KCNIP4: variants seen among roughly 807,000 people sequenced by gnomAD.
The protein encoded by KCNIP4 is Kv channel-interacting protein 4.
A neutral mutation model predicts 34.0 loss-of-function variants in KCNIP4; 12 were observed. That is an observed-to-expected ratio of 0.35 (90% CI 0.23 to 0.57). KCNIP4 has a LOEUF of 0.57. Among genes scored for constraint, KCNIP4 ranks in the 20% least tolerant of loss-of-function variants. The probability of loss-of-function intolerance (pLI) is 0.83; values close to 1 mark genes in which losing one functional copy is unlikely to be tolerated. For synonymous variants in KCNIP4, 124 were observed against 102.2 expected (o/e 1.21, Z -1.29); for missense variants, 238 against 311.7 (o/e 0.76, Z 1.78).
intron 2 of KCNIP4, among the ~76,000 whole-genome samples, chr4:20,864,265 T>C (rs1056331742): frequency 1.3e-5 from 2 of 151,580 alleles, no homozygotes; most frequent in African/African-American, 2.4e-5. Flanking sequence ...CACACATATG[T>C]ATGTACACAT....
At chr4:21,459,136 G>C (rs558966677) in intron 1 of KCNIP4, among the ~76,000 whole-genome samples, 3 of 152,016 alleles carry the variant, frequency 2.0e-5, no homozygotes, top group Admixed American at 2.0e-4. Context: ...TCTCAAAAGA[G>C]TTTCTATGGC....
intron 1 of KCNIP4, among the ~76,000 whole-genome samples, chr4:21,044,995 C>A (rs1394329596): frequency 6.6e-6 from 1 of 152,146 alleles, no homozygotes; most frequent in Non-Finnish European, 1.5e-5. Flanking sequence ...ATGGAAGAGA[C>A]AAGTGAAGGG....
At chr4:21,089,525 T>C (rs1484402240) in intron 1 of KCNIP4, among the ~76,000 whole-genome samples, 1 of 152,172 alleles carries the variant, frequency 6.6e-6, no homozygotes, top group Non-Finnish European at 1.5e-5. Flanking sequence ...AATGGTAACG[T>C]GTCATTATTT....
intron 1 of KCNIP4, among the ~76,000 whole-genome samples, chr4:21,055,126 C>T (rs1743289736): frequency 6.6e-6 from 1 of 152,012 alleles, no homozygotes; most frequent in African/African-American, 2.4e-5. Context: ...GAAGCACCTC[C>T]CAAAAGAAGA....
chr4:21,231,961 C>A (rs1280711712), intron 1 of KCNIP4, among the ~76,000 whole-genome samples: 2 of 152,086 alleles, frequency 1.3e-5, no homozygotes, highest in South Asian at 4.1e-4. Context: ...AGGAAGCTGG[C>A]CGATAGACAA....
At position 21,500,852 on chromosome 4, in the gene KCNIP4, G is replaced by A. The variant is rs1333720188; in HGVS notation, c.61+447719C>T. On this transcript the variant is annotated intron_variant, in intron 1 of 8. Transcript: ENST00000382152. Reference sequence around the variant, plus strand: ...TGGGAAGTTAAAAATTATACTGTGAGTTGAAGAGGAGGATGACATCAATCA... The same window carrying A: ...TGGGAAGTTAAAAATTATACTGTGAATTGAAGAGGAGGATGACATCAATCA... 3.3e-5 allele frequency among the ~76,000 whole-genome samples: 5 copies of A among 152,122 alleles called. 1 individual carries two copies. The highest frequency in any genetic ancestry group is 3.3e-4 in the Admixed American group (5 of 15,264).
At chr4:20,932,772 T>G (rs1730616608) in intron 1 of KCNIP4, among the ~76,000 whole-genome samples, 1 of 152,164 alleles carries the variant, frequency 6.6e-6, no homozygotes, top group South Asian at 2.1e-4. Flanking sequence ...AAATAATTTT[T>G]AACTATTTTG....
intron 1 of KCNIP4, among the ~76,000 whole-genome samples, chr4:21,136,467 A>C (rs1560753942): frequency 6.6e-6 from 1 of 152,210 alleles, no homozygotes; most frequent in Non-Finnish European, 1.5e-5. Flanking sequence ...GCAAATAGGC[A>C]TTGGGTTTTC....
intron 1 of KCNIP4, among the ~76,000 whole-genome samples, chr4:21,026,718 T>G (rs1268197535): frequency 2.0e-5 from 3 of 152,160 alleles, no homozygotes; most frequent in Non-Finnish European, 2.9e-5. Context: ...CATTAATTTC[T>G]TTTTAGAATC....
intron 1 of KCNIP4, among the ~76,000 whole-genome samples, chr4:21,786,300 T>C (rs1719909122): frequency 6.6e-6 from 1 of 152,156 alleles, no homozygotes; most frequent in Non-Finnish European, 1.5e-5. Flanking sequence ...ATATGGTAAC[T>C]ACATGTTTAA....
At chr4:21,246,367 C>A (rs902029404) in intron 1 of KCNIP4, among the ~76,000 whole-genome samples, 1 of 152,266 alleles carries the variant, frequency 6.6e-6, no homozygotes, top group Non-Finnish European at 1.5e-5. Context: ...GGGAAGAGAC[C>A]CACAAAACCT....
At chr4:21,903,616 A>G (rs1727826707) in intron 1 of KCNIP4, among the ~76,000 whole-genome samples, 1 of 152,084 alleles carries the variant, frequency 6.6e-6, no homozygotes, top group Non-Finnish European at 1.5e-5. Context: ...ACATTATTAA[A>G]CTCATTTATT....
chr4:20,850,435 A>G lies in KCNIP4; in HGVS notation c.288+108T>C, dbSNP rs922754742. On this transcript the variant is annotated intron_variant, in intron 3 of 8. Coordinates refer to ENST00000382152, the MANE Select transcript of KCNIP4 (RefSeq NM_025221.6). ...TCTGGGAAGGATCAGTATGAAATAT[A>G]CATATGATGGGGCTCTCATAGAATG... The G allele has an allele frequency of 8.6e-6, 10 of 1,160,746 alleles. No homozygotes were observed. In the East Asian group the frequency reaches 2.1e-4, roughly 25 times the overall value. 71.9% of individuals were successfully genotyped at this position (1,160,746 alleles called of 1,614,324 possible).
At chr4:21,188,324 A>G (rs1476417270) in intron 1 of KCNIP4, among the ~76,000 whole-genome samples, 14 of 152,092 alleles carry the variant, frequency 9.2e-5, no homozygotes, top group Admixed American at 9.2e-4. Context: ...CCTGCTTTTT[A>G]CTCACTTAAA....
chr4:20,832,552 A>G (rs543219511), intron 3 of KCNIP4, among the ~76,000 whole-genome samples: 30 of 152,264 alleles, frequency 2.0e-4, no homozygotes, highest in East Asian at 1.2e-3. Context: ...GTCATATTAT[A>G]TGCATGTCTC....
intron 1 of KCNIP4, among the ~76,000 whole-genome samples, chr4:21,637,736 T>TC (rs1372635777): frequency 7.2e-6 from 1 of 138,188 alleles, no homozygotes; most frequent in Non-Finnish European, 1.5e-5. Context: ...TGAGCCAAGA[T>TC]CCTGCCATTG....
At chr4:20,802,096 A>G (rs1714311594) in intron 3 of KCNIP4, among the ~76,000 whole-genome samples, 2 of 149,190 alleles carry the variant, frequency 1.3e-5, no homozygotes, top group African/African-American at 4.9e-5. Context: ...GCATATACAT[A>G]TTGCATATAT....
intron 1 of KCNIP4, among the ~76,000 whole-genome samples, chr4:21,479,303 G>A (rs952921675): frequency 6.6e-6 from 1 of 152,190 alleles, no homozygotes; most frequent in Admixed American, 6.6e-5. Context: ...GGTATAAAAT[G>A]TAATAAATAA....
At chr4:20,823,031 A>G (rs1486615463) in intron 3 of KCNIP4, among the ~76,000 whole-genome samples, 3 of 152,154 alleles carry the variant, frequency 2.0e-5, no homozygotes, top group African/African-American at 7.2e-5. Flanking sequence ...CAGACACTTG[A>G]TCTGCCAGTG....
Sources: gnomAD v4.1 joint callset for allele counts (sites outside exome capture counted in the v4.1 genomes callset) on GRCh38, gnomAD v4.1.1 for gene constraint, MANE v1.5 for transcripts, NCBI Gene and HGNC (gene_info 2026-07-23, HGNC 2026-07-21) for gene names.